Variants in DOCK3 observed in about 807,000 individuals in gnomAD.
DOCK3 encodes the protein dedicator of cytokinesis 3, also known as dedicator of cytokinesis protein 3.
Under a neutral mutation model 265.6 loss-of-function variants are expected in DOCK3, and 60 were observed. The observed-to-expected ratio is 0.23, with a 90% confidence interval of 0.18 to 0.28. DOCK3 has a LOEUF of 0.28. Among genes scored for constraint, DOCK3 ranks in the 10% least tolerant of loss-of-function variants. The pLI is 1.00. For synonymous variants in DOCK3, 881 were observed against 938.0 expected (o/e 0.94, Z 1.11); for missense variants, 1,981 against 2,594.3 (o/e 0.76, Z 5.14).
chr3:50,913,136 C>T (rs972038009), intron 4 of DOCK3, among the ~76,000 whole-genome samples: 3 of 152,072 alleles, frequency 2.0e-5, no homozygotes, highest in East Asian at 1.9e-4. Context: ...GGTGTTTATT[C>T]GTGGCCCGAG....
chr3:50,905,164 G>A (rs1331629332), intron 4 of DOCK3, among the ~76,000 whole-genome samples: 1 of 152,096 alleles, frequency 6.6e-6, no homozygotes, highest in South Asian at 2.1e-4. Flanking sequence ...GGTTACTGCA[G>A]CCTTGTAGTA....
intron 4 of DOCK3, among the ~76,000 whole-genome samples, chr3:50,891,423 T>C (rs994816321): frequency 2.0e-5 from 3 of 152,084 alleles, no homozygotes; most frequent in African/African-American, 7.2e-5. Context: ...TTACAAAACA[T>C]GTAAAGCCAT....
rs550729665 is a variant in DOCK3 at position 51,049,106 on chromosome 3, C to T, written c.316-15342C>T. The stretch of plus-strand genomic sequence containing the variant: ...CTTTGGGAGGCCAGGCAGGCAGATT[C>T]CTTGACCTCAGGAGGTCCAGACCAG... On this transcript the variant is annotated intron_variant, in intron 5 of 52. Transcript: ENST00000266037. Among the ~76,000 whole-genome samples, 45 of 152,216 alleles carry T rather than the reference C, an allele frequency of 3.0e-4. No homozygotes were observed. In the South Asian group the frequency reaches 7.7e-3, roughly 26 times the overall value.
intron 5 of DOCK3, among the ~76,000 whole-genome samples, chr3:51,030,662 T>C (rs763476624): frequency 2.6e-5 from 4 of 152,190 alleles, no homozygotes; most frequent in Admixed American, 6.5e-5. Context: ...TACTGAGTAA[T>C]AAGCATTTTA....
chr3:51,101,525 T>G (rs2083090901), intron 9 of DOCK3, among the ~76,000 whole-genome samples: 1 of 152,158 alleles, frequency 6.6e-6, no homozygotes, highest in Non-Finnish European at 1.5e-5. Context: ...GTGAACAAAG[T>G]GGTGGTAAAC....
intron 1 of DOCK3, among the ~76,000 whole-genome samples, chr3:50,739,094 A>G (rs548809676): frequency 6.6e-6 from 1 of 152,228 alleles, no homozygotes; most frequent in African/African-American, 2.4e-5. Context: ...TTTAGGTATA[A>G]TAGATTTAAA....
At chr3:51,261,280 T>C (rs528872014) in intron 23 of DOCK3, among the ~76,000 whole-genome samples, 5 of 150,740 alleles carry the variant, frequency 3.3e-5, no homozygotes, top group Admixed American at 6.6e-5. Flanking sequence ...AGAAGGAGGG[T>C]GGGGCGTCGC....
intron 5 of DOCK3, among the ~76,000 whole-genome samples, chr3:51,014,466 A>G (rs575177443): frequency 3.4e-4 from 52 of 152,048 alleles, no homozygotes; most frequent in African/African-American, 1.2e-3. Flanking sequence ...TGATCATATT[A>G]TTTTCCAGTT....
Position 51,325,927 on chromosome 3 carries a change from G to A in DOCK3, c.3403-4211G>A, listed in dbSNP as rs143154167. The stretch of plus-strand genomic sequence containing the variant: ...GGGCCTGTCAGGGGATGGGGGGCTA[G>A]GGGAGGGATAGCATTAGAAGAAATA... On this transcript the variant is annotated intron_variant, in intron 32 of 52. Transcript: ENST00000266037. 6.9e-3 allele frequency among the ~76,000 whole-genome samples: 1,049 copies of A among 152,234 alleles called. 5 individuals carry two copies. Among genetic ancestry groups the A allele is most frequent in the Non-Finnish European group, 0.01 (707 of 68,004 alleles).
intron 4 of DOCK3, among the ~76,000 whole-genome samples, chr3:50,931,271 AG>A (rs1350934438): frequency 6.6e-6 from 1 of 152,178 alleles, no homozygotes; most frequent in Non-Finnish European, 1.5e-5. Context: ...AGCCTCTTCT[AG>A]GAACTTCACT....
At chr3:51,302,679 G>C (rs1182024226) in intron 27 of DOCK3, among the ~76,000 whole-genome samples, 2 of 152,108 alleles carry the variant, frequency 1.3e-5, no homozygotes, top group Non-Finnish European at 2.9e-5. Context: ...CACTTATGAA[G>C]CTTCGTTTGG....
At chr3:50,940,309 GA>G (rs2076254871) in intron 5 of DOCK3, among the ~76,000 whole-genome samples, 3 of 140,942 alleles carry the variant, frequency 2.1e-5, no homozygotes. Flanking sequence ...AAAAAAAAAG[GA>G]AGAAGGAAAA....
intron 3 of DOCK3, among the ~76,000 whole-genome samples, chr3:50,887,573 T>C (rs1236192142): frequency 2.4e-5 from 2 of 83,570 alleles, no homozygotes; most frequent in African/African-American, 9.6e-5. Context: ...AGAGAAAATT[T>C]TAGGCCAATA....
chr3:51,187,230 C>G (rs940387732), intron 12 of DOCK3, among the ~76,000 whole-genome samples: 1 of 152,204 alleles, frequency 6.6e-6, no homozygotes, highest in Non-Finnish European at 1.5e-5. Context: ...GACATGAAGT[C>G]AAAGGAGATC....
intron 23 of DOCK3, among the ~76,000 whole-genome samples, chr3:51,264,814 G>A (rs78413114): frequency 0.17 from 10,956 of 64,154 alleles, 993 homozygotes; most frequent in East Asian, 0.4. Flanking sequence ...GTGACAGAGC[G>A]AGACTCAGTC....
rs535635330 is a variant in DOCK3 at position 50,919,395 on chromosome 3, G to A, written c.219-14586G>A. ...TTCTTCCTATCCATGAGCATGGAAT[G>A]TTCTTCCATTTGTTTGTGTCCTCTT... On this transcript the variant is annotated intron_variant, in intron 4 of 52. Transcript: ENST00000266037. 7.9e-5 allele frequency among the ~76,000 whole-genome samples: 12 copies of A among 152,310 alleles called. No homozygotes were observed. The South Asian group carries it at 2.3e-3, about 29-fold the overall frequency.
At chr3:50,750,667 A>G (rs995832268) in intron 1 of DOCK3, among the ~76,000 whole-genome samples, 12 of 152,232 alleles carry the variant, frequency 7.9e-5, no homozygotes, top group East Asian at 1.9e-4. Context: ...CTTGCTTTGC[A>G]TGAGGTAGTG....
chr3:51,337,101 A>G (rs898772238), intron 35 of DOCK3, among the ~76,000 whole-genome samples: 1 of 152,150 alleles, frequency 6.6e-6, no homozygotes, highest in African/African-American at 2.4e-5. Context: ...GGAACCAAAT[A>G]TCTTACGTGG....
chr3:51,152,300 T>G (rs1366576806), intron 10 of DOCK3, among the ~76,000 whole-genome samples: 1 of 152,224 alleles, frequency 6.6e-6, no homozygotes, highest in Non-Finnish European at 1.5e-5. Context: ...TTGAAGCTTG[T>G]GCATGTGTCA....
Sources: gnomAD v4.1 joint callset for allele counts (sites outside exome capture counted in the v4.1 genomes callset) on GRCh38, gnomAD v4.1.1 for gene constraint, MANE v1.5 for transcripts, NCBI Gene and HGNC (gene_info 2026-07-23, HGNC 2026-07-21) for gene names.